The following CA10 variants were observed in gnomAD, a reference collection of about 807,000 sequenced individuals.
The protein encoded by CA10 is carbonic anhydrase-related protein 10.
In CA10, 14 loss-of-function variants were observed where a neutral mutation model predicts 44.2. The observed-to-expected ratio is 0.32, with a 90% confidence interval of 0.21 to 0.50. The LOEUF (loss-of-function observed/expected upper bound fraction) is 0.50. CA10 is among the 20% of genes least tolerant of loss of function. The pLI, the probability that CA10 is intolerant of heterozygous loss-of-function variation, is 0.99. For missense variants in CA10, 350 were observed against 409.7 expected, an observed-to-expected ratio of 0.85 and a Z score of 1.26; for synonymous variants, 159 against 141.6, an observed-to-expected ratio of 1.12 and a Z score of -0.87.
intron 1 of CA10, among the ~76,000 whole-genome samples, chr17:52,118,856 T>C (rs957417740): frequency 2.0e-5 from 3 of 152,324 alleles, no homozygotes; most frequent in Non-Finnish European, 2.9e-5. Context: ...CTTGTTTTGA[T>C]CCTGTTCAAA....
At chr17:51,980,036 G>A (rs905105827) in intron 2 of CA10, among the ~76,000 whole-genome samples, 3 of 152,080 alleles carry the variant, frequency 2.0e-5, no homozygotes, top group African/African-American at 7.2e-5. Context: ...ATTCTTCTGG[G>A]TATATACCCA....
At chr17:52,052,071 T>A (rs1987087431) in intron 2 of CA10, among the ~76,000 whole-genome samples, 1 of 151,774 alleles carries the variant, frequency 6.6e-6, no homozygotes, top group African/African-American at 2.4e-5. Flanking sequence ...AAGTGGGAGC[T>A]AAATGATGAA....
Position 51,785,713 on chromosome 17 carries a change from T to C in CA10, c.280-37895A>G, listed in dbSNP as rs562421468. 4.6e-4 allele frequency among the ~76,000 whole-genome samples: 70 copies of C among 152,340 alleles called. 1 individual carries two copies. The highest frequency in any genetic ancestry group is 4.7e-4 in the Non-Finnish European group (32 of 68,028). On this transcript the variant is annotated intron_variant, in intron 3 of 8. Transcript: ENST00000451037. ...TGCTGTTTTGGTTACTAGAGCTCAG[T>C]AGTATAATTTGATGTTAGGTATTGT... is the stretch of plus-strand genomic sequence containing the variant.
At chr17:52,094,841 A>G (rs1360386779) in intron 1 of CA10, among the ~76,000 whole-genome samples, 2 of 152,216 alleles carry the variant, frequency 1.3e-5, no homozygotes, top group African/African-American at 4.8e-5. Flanking sequence ...TGCAACTGGA[A>G]TTCTCATATA....
chr17:51,811,442 C>A (rs916459841), intron 3 of CA10, among the ~76,000 whole-genome samples: 1 of 152,110 alleles, frequency 6.6e-6, no homozygotes, highest in Non-Finnish European at 1.5e-5. Context: ...CTACTCCAGC[C>A]CCCTCCCGAC....
chr17:51,878,194 A>G (rs1372444719), intron 3 of CA10, among the ~76,000 whole-genome samples: 7 of 151,740 alleles, frequency 4.6e-5, no homozygotes, highest in Non-Finnish European at 8.8e-5. Context: ...AAAAAACACA[A>G]TGATTCACAA....
intron 3 of CA10, among the ~76,000 whole-genome samples, chr17:51,790,169 C>T (rs1224888847): frequency 6.6e-6 from 1 of 152,158 alleles, no homozygotes; most frequent in South Asian, 2.1e-4. Flanking sequence ...TCTGCAAAAA[C>T]TAGAGTTTCC....
intron 2 of CA10, among the ~76,000 whole-genome samples, chr17:51,978,171 G>A (rs1016041800): frequency 3.3e-5 from 5 of 151,898 alleles, no homozygotes; most frequent in African/African-American, 1.2e-4. Context: ...GAAACAAATG[G>A]ATTCTAAAGT....
At chr17:51,722,858 T>G (rs1286998807) in intron 4 of CA10, among the ~76,000 whole-genome samples, 1 of 152,174 alleles carries the variant, frequency 6.6e-6, no homozygotes, top group Non-Finnish European at 1.5e-5. Flanking sequence ...CAAAGCCACA[T>G]GGTCACTGGT....
upstream of CA10, among the ~76,000 whole-genome samples, chr17:52,159,088 G>C (rs1453398812): frequency 2.6e-5 from 4 of 152,306 alleles, no homozygotes; most frequent in Non-Finnish European, 2.9e-5. Context: ...AAAGAACTTC[G>C]TGCTGCGGGT....
intron 5 of CA10, among the ~76,000 whole-genome samples, chr17:51,649,575 T>C (rs1913476875): frequency 6.6e-6 from 1 of 152,144 alleles, no homozygotes; most frequent in South Asian, 2.1e-4. Context: ...GGGTAGAAGT[T>C]AACAAAGCGT....
intron 2 of CA10, among the ~76,000 whole-genome samples, chr17:51,981,396 A>T (rs1451612513): frequency 6.6e-6 from 1 of 152,046 alleles, no homozygotes; most frequent in East Asian, 1.9e-4. Flanking sequence ...CAAAAACATG[A>T]TGTTGAGCAA....
chr17:51,860,516 G>T (rs1313932612), intron 3 of CA10, among the ~76,000 whole-genome samples: 1 of 152,174 alleles, frequency 6.6e-6, no homozygotes, highest in Non-Finnish European at 1.5e-5. Flanking sequence ...AATAACTGGA[G>T]GAAAGAACCA....
At chr17:51,768,499 G>C (rs1905474119) in intron 3 of CA10, among the ~76,000 whole-genome samples, 1 of 152,068 alleles carries the variant, frequency 6.6e-6, no homozygotes, top group South Asian at 2.1e-4. Context: ...TTGCTCTATT[G>C]ATCTTAGTGC....
chr17:51,921,039 G>A (rs1333446521), intron 3 of CA10, among the ~76,000 whole-genome samples: 1 of 152,172 alleles, frequency 6.6e-6, no homozygotes, highest in Non-Finnish European at 1.5e-5. Context: ...TTAATAAGAG[G>A]ACAATGCAAG....
At chr17:52,039,467 C>G (rs1322901048) in intron 2 of CA10, among the ~76,000 whole-genome samples, 1 of 152,028 alleles carries the variant, frequency 6.6e-6, no homozygotes, top group Non-Finnish European at 1.5e-5. Flanking sequence ...GCAGGAATCT[C>G]TATCCAAAGC....
At chr17:51,876,100 T>G (rs1027317663) in intron 3 of CA10, among the ~76,000 whole-genome samples, 1 of 151,482 alleles carries the variant, frequency 6.6e-6, no homozygotes, top group African/African-American at 2.4e-5. Context: ...ATATAGATAA[T>G]GCAGCTATAA....
At chr17:51,889,300 T>C (rs979967527) in intron 3 of CA10, among the ~76,000 whole-genome samples, 3 of 151,960 alleles carry the variant, frequency 2.0e-5, no homozygotes, top group South Asian at 2.1e-4. Flanking sequence ...AGAAGGCAGA[T>C]TGCTTGAGCC....
intron 3 of CA10, among the ~76,000 whole-genome samples, chr17:51,865,648 G>C (rs1178386401): frequency 6.6e-6 from 1 of 152,208 alleles, no homozygotes; most frequent in Non-Finnish European, 1.5e-5. Flanking sequence ...CTGTGAGATA[G>C]AAGTTATTCT....
Sources: gnomAD v4.1 joint callset for allele counts (sites outside exome capture counted in the v4.1 genomes callset) on GRCh38, gnomAD v4.1.1 for gene constraint, MANE v1.5 for transcripts, NCBI Gene and HGNC (gene_info 2026-07-23, HGNC 2026-07-21) for gene names.